ZNF804B: variants seen among roughly 807,000 people sequenced by gnomAD.
ZNF804B encodes zinc finger 804B.
In ZNF804B, 80 loss-of-function variants were observed where a neutral mutation model predicts 101.4. That is an observed-to-expected ratio of 0.79 (90% confidence interval 0.66 to 0.95). The LOEUF is 0.95. ZNF804B is among the 40% of genes least tolerant of loss of function. The probability of loss-of-function intolerance (pLI) is 0.00; values close to 1 mark genes in which losing one functional copy is unlikely to be tolerated. For synonymous variants in ZNF804B, 622 were observed against 558.8 expected (o/e 1.11, Z -1.59); for missense variants, 1,673 against 1,561.9 (o/e 1.07, Z -1.20).
intron 1 of ZNF804B, among the ~76,000 whole-genome samples, chr7:88,975,601 G>A (rs577599927): frequency 6.6e-6 from 1 of 151,426 alleles, no homozygotes; most frequent in East Asian, 2.0e-4. Flanking sequence ...TCAGATCATT[G>A]CCCATTCTTA....
At chr7:89,185,546 C>A (rs1788362857) in intron 1 of ZNF804B, among the ~76,000 whole-genome samples, 1 of 152,072 alleles carries the variant, frequency 6.6e-6, no homozygotes, top group Non-Finnish European at 1.5e-5. Flanking sequence ...TCAAAGTAAG[C>A]TACTAAAACG....
At chr7:88,988,748 A>G (rs895947444) in intron 1 of ZNF804B, among the ~76,000 whole-genome samples, 2 of 152,168 alleles carry the variant, frequency 1.3e-5, no homozygotes, top group African/African-American at 4.8e-5. Context: ...AAGATGAAGA[A>G]GAGTATCTCT....
intron 2 of ZNF804B, among the ~76,000 whole-genome samples, chr7:89,303,205 G>A (rs1303860350): frequency 6.6e-6 from 1 of 151,764 alleles, no homozygotes; most frequent in Non-Finnish European, 1.5e-5. Flanking sequence ...ATTAACCAAG[G>A]AGAAGGCAGA....
intron 1 of ZNF804B, among the ~76,000 whole-genome samples, chr7:89,174,905 G>A (rs1016588398): frequency 6.6e-6 from 1 of 151,968 alleles, no homozygotes; most frequent in Non-Finnish European, 1.5e-5. Context: ...TTTGAGAAAT[G>A]TCTATTCAGA....
chr7:88,790,824 G>A (rs147103631), intron 1 of ZNF804B, among the ~76,000 whole-genome samples: 6 of 123,392 alleles, frequency 4.9e-5, no homozygotes, highest in African/African-American at 1.9e-4. Flanking sequence ...TCATACTAAG[G>A]CTTAAAAGTT....
intron 1 of ZNF804B, among the ~76,000 whole-genome samples, chr7:89,216,241 GA>G (rs1455178718): frequency 6.6e-6 from 1 of 152,180 alleles, no homozygotes; most frequent in Non-Finnish European, 1.5e-5. Flanking sequence ...CCGGGAGGGG[GA>G]GGTCGCGGTG....
intron 1 of ZNF804B, among the ~76,000 whole-genome samples, chr7:89,210,559 A>T (rs1305160528): frequency 5.9e-5 from 9 of 152,118 alleles, no homozygotes; most frequent in Non-Finnish European, 2.9e-5. Context: ...ATGTGTTCTC[A>T]TCATTCAGCT....
chr7:89,068,549 C>A (rs951835010), intron 1 of ZNF804B, among the ~76,000 whole-genome samples: 1 of 152,132 alleles, frequency 6.6e-6, no homozygotes, highest in South Asian at 2.1e-4. Flanking sequence ...ATTTTTCAAA[C>A]TGCTCTTTTA....
intron 1 of ZNF804B, among the ~76,000 whole-genome samples, chr7:89,029,249 A>C (rs1788794998): frequency 6.6e-6 from 1 of 152,166 alleles, no homozygotes; most frequent in East Asian, 1.9e-4. Context: ...GATTACAGGC[A>C]TGCACCATCA....
chr7:89,098,474 A>G (rs1037782337), intron 1 of ZNF804B, among the ~76,000 whole-genome samples: 8 of 151,754 alleles, frequency 5.3e-5, no homozygotes, highest in Non-Finnish European at 1.0e-4. Context: ...GGTTTCACCA[A>G]CGTTGGTCAG....
At chr7:88,950,584 A>G (rs1298845538) in intron 1 of ZNF804B, among the ~76,000 whole-genome samples, 3 of 151,852 alleles carry the variant, frequency 2.0e-5, no homozygotes. Context: ...CCTCTGTGCT[A>G]TTTTGTAAGT....
At chr7:89,128,204 C>T (rs1401470605) in intron 1 of ZNF804B, among the ~76,000 whole-genome samples, 1 of 151,606 alleles carries the variant, frequency 6.6e-6, no homozygotes, top group Non-Finnish European at 1.5e-5. Context: ...GTACTTTAGA[C>T]AATTATTTAT....
intron 2 of ZNF804B, among the ~76,000 whole-genome samples, chr7:89,242,002 G>A (rs555253702): frequency 6.6e-6 from 1 of 150,926 alleles, no homozygotes; most frequent in Admixed American, 6.6e-5. Flanking sequence ...TTAATTTACA[G>A]GTCTTCTACA....
At chr7:89,157,451 C>T (rs1790994749) in intron 1 of ZNF804B, among the ~76,000 whole-genome samples, 2 of 152,066 alleles carry the variant, frequency 1.3e-5, no homozygotes, top group Non-Finnish European at 2.9e-5. Flanking sequence ...AACATATTGT[C>T]ATCTACCAAT....
In ZNF804B at chr7:88,847,397, A is replaced by G. The variant is rs142983113; in HGVS notation, c.108+87313A>G. On this transcript the variant is annotated intron_variant, in intron 1 of 3. Coordinates refer to ENST00000333190, the MANE Select transcript of ZNF804B (RefSeq NM_181646.5). ...AGAGGATCCGTTTTTTAAAAAATAT[A>G]TTTAGCTTTAGGAGCTTAATTTGTA... is the stretch of plus-strand genomic sequence containing the variant. 7.8e-4 allele frequency among the ~76,000 whole-genome samples: 118 copies of G among 152,168 alleles called. 1 individual carries two copies. Among genetic ancestry groups the G allele is most frequent in the African/African-American group, 2.7e-3 (112 of 41,558 alleles).
chr7:89,331,499 A>G (rs1040120357), intron 3 of ZNF804B, among the ~76,000 whole-genome samples: 81 of 151,870 alleles, frequency 5.3e-4, no homozygotes, highest in Non-Finnish European at 3.1e-4. Context: ...TTCCGTTATG[A>G]AAGAGTTACT....
intron 1 of ZNF804B, among the ~76,000 whole-genome samples, chr7:89,077,980 A>C (rs967537732): frequency 5.3e-5 from 8 of 152,102 alleles, no homozygotes; most frequent in Non-Finnish European, 1.2e-4. Flanking sequence ...CTTTGTATTA[A>C]AATATTTCTG....
intron 1 of ZNF804B, among the ~76,000 whole-genome samples, chr7:89,071,225 C>T (rs972664367): frequency 2.0e-5 from 3 of 152,016 alleles, no homozygotes; most frequent in Admixed American, 6.6e-5. Flanking sequence ...TGGTTCACCC[C>T]ATGCATGTGG....
chr7:89,317,984 A>G (rs1737617779), intron 2 of ZNF804B, among the ~76,000 whole-genome samples: 1 of 152,232 alleles, frequency 6.6e-6, no homozygotes, highest in Non-Finnish European at 1.5e-5. Flanking sequence ...CAACAGAATT[A>G]TATTACATCT....
Sources: gnomAD v4.1 joint callset for allele counts (sites outside exome capture counted in the v4.1 genomes callset) on GRCh38, gnomAD v4.1.1 for gene constraint, MANE v1.5 for transcripts, NCBI Gene and HGNC (gene_info 2026-07-23, HGNC 2026-07-21) for gene names.